Variants in JARID2 observed in about 807,000 individuals in gnomAD.
The protein encoded by JARID2 is jumonji and AT-rich interaction domain containing 2.
JARID2 carries 21 observed loss-of-function variants against 125.6 expected under a neutral mutation model. The ratio of observed to expected loss-of-function variants is 0.17; its 90% CI spans 0.12 to 0.24. JARID2 has a LOEUF of 0.24. JARID2 is among the 10% of genes least tolerant of loss of function. The pLI is 1.00. For missense variants in JARID2, 1,303 were observed against 1,639.6 expected (o/e 0.79, Z 3.55); for synonymous variants, 736 against 661.6 (o/e 1.11, Z -1.73).
intron 1 of JARID2, among the ~76,000 whole-genome samples, chr6:15,332,930 C>CTTTTTT (rs1319288795): frequency 1.8e-4 from 15 of 82,820 alleles, no homozygotes; most frequent in South Asian, 4.6e-4. Context: ...CTTTTCTTTT[C>CTTTTTT]TTTTCTTTTT....
At chr6:15,446,315 A>G (rs1561867886) in intron 3 of JARID2, among the ~76,000 whole-genome samples, 2 of 152,230 alleles carry the variant, frequency 1.3e-5, no homozygotes, top group African/African-American at 4.8e-5. Flanking sequence ...ACAGAAGGGC[A>G]GAGCAATGGC....
intron 3 of JARID2, among the ~76,000 whole-genome samples, chr6:15,426,624 G>T (rs1766739292): frequency 6.6e-6 from 1 of 152,210 alleles, no homozygotes; most frequent in African/African-American, 2.4e-5. Flanking sequence ...GATGTGGACT[G>T]ACAGCACTAG....
chr6:15,318,980 A>T (rs768169537), intron 1 of JARID2, among the ~76,000 whole-genome samples: 1 of 152,224 alleles, frequency 6.6e-6, no homozygotes. Flanking sequence ...GGCTGGCTTT[A>T]TTAAAAGGAC....
intron 1 of JARID2, among the ~76,000 whole-genome samples, chr6:15,323,768 G>A (rs1216541333): frequency 6.6e-6 from 1 of 152,058 alleles, no homozygotes; most frequent in Non-Finnish European, 1.5e-5. Context: ...GGTGGTGTGC[G>A]CCTGTAATCC....
intron 3 of JARID2, among the ~76,000 whole-genome samples, chr6:15,417,546 C>T (rs143066599): frequency 2.6e-5 from 4 of 152,220 alleles, no homozygotes; most frequent in East Asian, 1.9e-4. Flanking sequence ...GAGAGACCTG[C>T]GTGGGCAATA....
chr6:15,329,189 T>C (rs1561795319), intron 1 of JARID2, among the ~76,000 whole-genome samples: 1 of 51,278 alleles, frequency 2.0e-5, no homozygotes. Context: ...GTTTTTTTTT[T>C]TTGGGGGATT....
intron 1 of JARID2, among the ~76,000 whole-genome samples, chr6:15,285,087 T>C (rs530939297): frequency 6.6e-6 from 1 of 151,216 alleles, no homozygotes; most frequent in East Asian, 1.9e-4. Context: ...AACTTTTGCA[T>C]TAATGTGAGT....
chr6:15,304,683 A>G (rs1761758586), intron 1 of JARID2, among the ~76,000 whole-genome samples: 1 of 152,300 alleles, frequency 6.6e-6, no homozygotes, highest in Non-Finnish European at 1.5e-5. Flanking sequence ...AAATCCACCC[A>G]TAGGCTGCTC....
At chr6:15,367,541 A>G (rs1764022960) in intron 1 of JARID2, among the ~76,000 whole-genome samples, 1 of 152,362 alleles carries the variant, frequency 6.6e-6, no homozygotes, top group Non-Finnish European at 1.5e-5. Context: ...ATCTCTGGCT[A>G]CTAACACATT....
intron 6 of JARID2, among the ~76,000 whole-genome samples, chr6:15,490,646 T>C (rs1770106845): frequency 6.6e-6 from 1 of 152,248 alleles, no homozygotes; most frequent in African/African-American, 2.4e-5. Context: ...GGAGTGCCCC[T>C]GGGTAATAAT....
At chr6:15,424,395 C>A (rs574297071) in intron 3 of JARID2, among the ~76,000 whole-genome samples, 5 of 152,164 alleles carry the variant, frequency 3.3e-5, no homozygotes, top group African/African-American at 1.2e-4. Context: ...GTTTTTCTAG[C>A]CCAGTCTTAT....
At chr6:15,283,690 C>A (rs564080922) in intron 1 of JARID2, among the ~76,000 whole-genome samples, 1 of 149,012 alleles carries the variant, frequency 6.7e-6, no homozygotes, top group Admixed American at 6.8e-5. Context: ...CTAGTCTGTC[C>A]ATTGTCCTTT....
At chr6:15,331,473 T>G (rs1342514508) in intron 1 of JARID2, among the ~76,000 whole-genome samples, 1 of 152,166 alleles carries the variant, frequency 6.6e-6, no homozygotes, top group Non-Finnish European at 1.5e-5. Context: ...TACCCCAGAC[T>G]GAATGGGGAA....
chr6:15,505,139 C>G (rs1478694582), intron 9 of JARID2: 1 of 152,750 alleles, frequency 6.5e-6, no homozygotes, highest in African/African-American at 2.4e-5. Context: ...GAGACCGGAT[C>G]TGTTTATTTA....
Position 15,500,773 on chromosome 6 carries a change from TCAC to T in JARID2, c.1946-130_1946-128del, listed in dbSNP as rs1770696060. 4 of 753,652 alleles carry T rather than the reference TCAC, an allele frequency of 5.3e-6. No homozygotes were observed. In the South Asian group the frequency reaches 6.8e-5, roughly 13 times the overall value. The allele number at this position is 753,652 out of a possible 1,614,324, so 46.7% of individuals were successfully genotyped here. ...TCTCTGTGGACCGGGAGTCTGCTGT[TCAC>T]CACTCTCACCCCAGAGCCTGTCAGA... On this transcript the variant is annotated intron_variant, in intron 7 of 17. Transcript: ENST00000341776.
chr6:15,424,483 T>C (rs1393868464), intron 3 of JARID2, among the ~76,000 whole-genome samples: 1 of 152,194 alleles, frequency 6.6e-6, no homozygotes, highest in Non-Finnish European at 1.5e-5. Context: ...GGCTTGAATC[T>C]AAAGTAATAC....
intron 3 of JARID2, among the ~76,000 whole-genome samples, chr6:15,428,623 G>T (rs1766832294): frequency 6.6e-6 from 1 of 152,092 alleles, no homozygotes; most frequent in Admixed American, 6.5e-5. Context: ...GAATCTTCTA[G>T]TGCCAGGCAT....
At chr6:15,298,679 C>CAA (rs778296232) in intron 1 of JARID2, among the ~76,000 whole-genome samples, 55 of 81,314 alleles carry the variant, frequency 6.8e-4, no homozygotes, top group South Asian at 3.9e-4. Context: ...GACTCCATCT[C>CAA]AAAAAAAAAA....
At chr6:15,253,835 TG>T (rs1759548441) in intron 1 of JARID2, among the ~76,000 whole-genome samples, 1 of 152,072 alleles carries the variant, frequency 6.6e-6, no homozygotes, top group East Asian at 1.9e-4. Flanking sequence ...CCGCCTACAT[TG>T]TGAGTTTGTC....
Sources: allele counts gnomAD v4.1 joint callset (sites outside exome capture counted in the v4.1 genomes callset), GRCh38; gene constraint gnomAD v4.1.1; transcripts MANE v1.5; gene names NCBI Gene and HGNC (gene_info 2026-07-23, HGNC 2026-07-21).